Variants in APBA2 observed in about 807,000 individuals in gnomAD.
The protein encoded by APBA2 is amyloid-beta A4 precursor protein-binding family A member 2.
A neutral mutation model predicts 75.0 loss-of-function variants in APBA2; 30 were observed. The observed-to-expected ratio is 0.40, with a 90% confidence interval of 0.30 to 0.54. APBA2 has a LOEUF of 0.54. Among genes scored for constraint, APBA2 ranks in the 20% least tolerant of loss-of-function variants. The pLI is 0.49. For missense variants in APBA2, 801 were observed against 1,016.1 expected (o/e 0.79, Z 2.88); for synonymous variants, 444 against 409.6 (o/e 1.08, Z -1.01).
chr15:28,951,579 G>GTTT (rs58321244), intron 2 of APBA2, among the ~76,000 whole-genome samples: 1 of 151,366 alleles, frequency 6.6e-6, no homozygotes, highest in African/African-American at 2.4e-5. Flanking sequence ...ATCTCCCATA[G>GTTT]TTTTTTTTTA....
At chr15:29,030,287 G>A (rs949720583) in intron 3 of APBA2, among the ~76,000 whole-genome samples, 8 of 151,918 alleles carry the variant, frequency 5.3e-5, no homozygotes, top group East Asian at 3.9e-4. Flanking sequence ...GTGAAACCCC[G>A]TCTCTACTAA....
rs1048603308 is a variant in APBA2 at position 29,046,782 on chromosome 15, G to C, written c.-40-7063G>C. ...CAAGGACCTCTCCCTGCTTTCCTCA[G>C]TCCCTCCAAGATGCACCCATATCCC... On this transcript the variant is annotated intron_variant, in intron 3 of 14. Coordinates refer to ENST00000683413, the MANE Select transcript of APBA2 (RefSeq NM_001353788.2). This position sits in a 1 kb window ranked among gnomAD's most constrained non-coding sequence, Gnocchi z 5.0. Among the ~76,000 whole-genome samples the C allele has an allele frequency of 6.6e-6, 1 of 152,166 alleles. No individual in the cohort carries two copies. The highest frequency in any genetic ancestry group is 6.5e-5 in the Admixed American group (1 of 15,284).
chr15:29,024,885 G>A (rs1467112853), intron 3 of APBA2, among the ~76,000 whole-genome samples: 1 of 152,162 alleles, frequency 6.6e-6, no homozygotes, highest in Non-Finnish European at 1.5e-5. Context: ...ATGGAAGCAG[G>A]AGATGGCCTG....
intron 2 of APBA2, among the ~76,000 whole-genome samples, chr15:28,932,613 G>A (rs1293972348): frequency 6.6e-6 from 1 of 152,228 alleles, no homozygotes; most frequent in African/African-American, 2.4e-5. Context: ...CCCATAGGGG[G>A]TTGGTCCCAT....
rs765311604 is a variant in APBA2 at position 29,113,909 on chromosome 15, C to T, written c.2071C>T (p.Arg691Ter). 3 of 1,612,786 alleles carry T rather than the reference C, an allele frequency of 1.9e-6. No homozygotes were observed. Among genetic ancestry groups the T allele is most frequent in the Non-Finnish European group, 2.5e-6 (3 of 1,180,012 alleles). Residue 691 changes from arginine (R) to a stop codon, truncating the protein, a stop_gained, in exon 14 of 15, where the codon CGA becomes TGA. Transcript: ENST00000683413. LOFTEE classifies it high-confidence loss of function. ...CCTCATGAGAGGGGGCATTGCTGAG[C>T]GAGGGGGCGTCCGTGTGGGCCACCG... ...CSLMRGGIAE[R>*]GGVRVGHRII...
chr15:29,117,312 G>A lies in APBA2; in HGVS notation c.*179G>A. The A allele has an allele frequency of 1.6e-6, 1 of 619,542 alleles. No individual in the cohort carries two copies. Among genetic ancestry groups the A allele is most frequent in the Non-Finnish European group, 2.9e-6 (1 of 348,486 alleles). The allele number at this position is 619,542 out of a possible 1,614,324, so 38.4% of individuals were successfully genotyped here. A position where few individuals can be genotyped will look rare whatever the true frequency, so the allele number is the denominator to read the frequency against. The stretch of plus-strand genomic sequence containing the variant: ...TTTTCATTTTGCCAAAAAGGGGTAT[G>A]TCTTTATCAAAGGAGAGTCACAGAA... On this transcript the variant is annotated 3_prime_UTR_variant, in exon 15 of 15. Coordinates refer to ENST00000683413, the MANE Select transcript of APBA2 (RefSeq NM_001353788.2).
chr15:28,938,421 G>A (rs774917569), intron 2 of APBA2, among the ~76,000 whole-genome samples: 1 of 152,180 alleles, frequency 6.6e-6, no homozygotes, highest in Non-Finnish European at 1.5e-5. Flanking sequence ...GCTGACTTTT[G>A]TGTGGGACTT....
At chr15:29,099,872 C>CT (rs2044031523) in intron 9 of APBA2, among the ~76,000 whole-genome samples, 1 of 152,234 alleles carries the variant, frequency 6.6e-6, no homozygotes, top group African/African-American at 2.4e-5. Context: ...ACAGCCCCAG[C>CT]TGAAAGAGTA....
chr15:29,057,602 A>G (rs909592570), intron 4 of APBA2, among the ~76,000 whole-genome samples: 1 of 152,316 alleles, frequency 6.6e-6, no homozygotes, highest in Non-Finnish European at 1.5e-5. Flanking sequence ...TATTTTTGTC[A>G]TACAGTTTTT....
chr15:28,992,409 G>C (rs188194836), intron 2 of APBA2, among the ~76,000 whole-genome samples: 1 of 152,326 alleles, frequency 6.6e-6, no homozygotes, highest in East Asian at 1.9e-4. Flanking sequence ...CAAAGGCTTG[G>C]TTAGATCACA....
At chr15:28,921,390 C>T (rs1474256768) in intron 1 of APBA2, among the ~76,000 whole-genome samples, 5 of 152,182 alleles carry the variant, frequency 3.3e-5, no homozygotes, top group Admixed American at 6.5e-5. Flanking sequence ...GAAATAAACA[C>T]GAAGGTTCAC....
At chr15:28,892,277 G>A (rs1252143028) in intron 1 of APBA2, among the ~76,000 whole-genome samples, 3 of 152,050 alleles carry the variant, frequency 2.0e-5, no homozygotes, top group African/African-American at 7.2e-5. Context: ...GGGTTTCACT[G>A]TGTTAGCCAA....
intron 2 of APBA2, among the ~76,000 whole-genome samples, chr15:28,932,599 C>T (rs1028712100): frequency 2.6e-5 from 4 of 152,312 alleles, no homozygotes; most frequent in South Asian, 2.1e-4. Flanking sequence ...AGATGGTGGA[C>T]GGCCCCATAG....
chr15:29,018,615 C>A lies in APBA2; in HGVS notation c.-41+22809C>A, dbSNP rs151099954. Among the ~76,000 whole-genome samples the A allele has an allele frequency of 3.7e-3, 568 of 152,268 alleles. 5 individuals are homozygous for A. The highest frequency in any genetic ancestry group is 0.012 in the South Asian group (57 of 4,826). On this transcript the variant is annotated intron_variant, in intron 3 of 14. Coordinates refer to ENST00000683413, the MANE Select transcript of APBA2 (RefSeq NM_001353788.2). ...GTGGCAGGTGTGGCCACTGAGCAGC[C>A]CCTGGCTAGGGATGGAGCTGGAGCT...
chr15:29,103,623 C>A (rs967331795), intron 10 of APBA2, among the ~76,000 whole-genome samples: 2 of 152,174 alleles, frequency 1.3e-5, no homozygotes, highest in Admixed American at 1.3e-4. Flanking sequence ...GCCGGCTCCC[C>A]GGGCTTGGAG....
intron 2 of APBA2, among the ~76,000 whole-genome samples, chr15:28,924,939 T>G (rs1372763917): frequency 6.6e-6 from 1 of 152,140 alleles, no homozygotes; most frequent in Non-Finnish European, 1.5e-5. Flanking sequence ...CTGTTTTTTG[T>G]TTCTTTGTTT....
At chr15:29,109,927 C>T (rs2044639078) in intron 13 of APBA2, among the ~76,000 whole-genome samples, 3 of 151,342 alleles carry the variant, frequency 2.0e-5, no homozygotes, top group Admixed American at 6.5e-5. Context: ...GACGAGTTGT[C>T]TGCACCCCAC....
At chr15:28,929,415 C>T (rs2034446262) in intron 2 of APBA2, among the ~76,000 whole-genome samples, 1 of 152,144 alleles carries the variant, frequency 6.6e-6, no homozygotes, top group Non-Finnish European at 1.5e-5. Flanking sequence ...AGTGATGCTG[C>T]CAATGGGAGG....
intron 2 of APBA2, among the ~76,000 whole-genome samples, chr15:28,930,449 G>C (rs1038877107): frequency 6.6e-6 from 1 of 152,126 alleles, no homozygotes; most frequent in African/African-American, 2.4e-5. Context: ...AGGTTCTTTG[G>C]TTACTTTCAG....
Sources: gnomAD v4.1 joint callset for allele counts (sites outside exome capture counted in the v4.1 genomes callset) on GRCh38, gnomAD v4.1.1 for gene constraint, Gnocchi (gnomAD v3.1) non-coding constraint, MANE v1.5 for transcripts, NCBI Gene and HGNC (gene_info 2026-07-23, HGNC 2026-07-21) for gene names.